The following HIBADH variants were observed in gnomAD, a reference collection of about 807,000 sequenced individuals.
The protein encoded by HIBADH is 3-hydroxyisobutyrate dehydrogenase, mitochondrial.
In HIBADH, 25 loss-of-function variants were observed where a neutral mutation model predicts 36.1. That is an observed-to-expected ratio of 0.69 (90% CI 0.50 to 0.97). HIBADH has a LOEUF of 0.97. HIBADH is among the 50% of genes least tolerant of loss of function. The pLI, the probability that HIBADH is intolerant of heterozygous loss-of-function variation, is 0.00. For missense variants in HIBADH, 421 were observed against 418.0 expected, an observed-to-expected ratio of 1.01 and a Z score of -0.06; for synonymous variants, 160 against 149.5, an observed-to-expected ratio of 1.07 and a Z score of -0.51.
rs571243282 is a variant in HIBADH at position 27,542,877 on chromosome 7, AAAG to A, written c.618+87_618+89del. 1,644 of 1,338,418 alleles carry A rather than the reference AAAG, an allele frequency of 1.2e-3. 2 individuals carry two copies. Among genetic ancestry groups the A allele is most frequent in the Non-Finnish European group, 1.5e-3 (1,454 of 969,428 alleles). The allele number at this position is 1,338,418 out of a possible 1,614,324, so 82.9% of individuals were successfully genotyped here. ...TGAGCAAAGAATCCATAGGTTGAAG[AAAG>A]AAGAATAAAAATATGGTCAGGAAAG... On this transcript the variant is annotated intron_variant, in intron 5 of 7. Transcript: ENST00000265395.
chr7:27,527,773 G>A (rs1471901472), intron 7 of HIBADH, among the ~76,000 whole-genome samples: 18 of 104,686 alleles, frequency 1.7e-4, no homozygotes, highest in African/African-American at 5.6e-4. Context: ...TTTTTGAGAC[G>A]GAGTTTCTCT....
intron 4 of HIBADH, among the ~76,000 whole-genome samples, chr7:27,616,774 T>G (rs563324276): frequency 1.4e-5 from 2 of 146,868 alleles, no homozygotes; most frequent in African/African-American, 5.1e-5. Context: ...CATGTCTTCC[T>G]TTTTTAGAAA....
At chr7:27,653,093 C>T (rs929909688) in intron 1 of HIBADH, among the ~76,000 whole-genome samples, 1 of 152,070 alleles carries the variant, frequency 6.6e-6, no homozygotes, top group South Asian at 2.1e-4. Context: ...CGCACCACTG[C>T]ACTCCAGCCT....
chr7:27,644,162 G>C (rs983232536), intron 2 of HIBADH, among the ~76,000 whole-genome samples: 12 of 152,178 alleles, frequency 7.9e-5, no homozygotes, highest in African/African-American at 2.2e-4. Context: ...ATCAATTTTA[G>C]AATCTTTTCA....
chr7:27,639,564 C>T (rs1040760776), intron 2 of HIBADH, among the ~76,000 whole-genome samples: 6 of 152,106 alleles, frequency 3.9e-5, no homozygotes, highest in African/African-American at 1.4e-4. Context: ...ATATAACAAA[C>T]CTGCACAATT....
At chr7:27,563,897 TTTC>T (rs1784501991) in intron 4 of HIBADH, among the ~76,000 whole-genome samples, 2 of 89,842 alleles carry the variant, frequency 2.2e-5, no homozygotes, top group African/African-American at 1.1e-4. Context: ...GTTTGTTAAT[TTTC>T]TTTTTTTTTT....
chr7:27,547,512 T>C (rs115579924), intron 4 of HIBADH, among the ~76,000 whole-genome samples: 325 of 152,284 alleles, frequency 2.1e-3, no homozygotes, highest in African/African-American at 7.6e-3. Context: ...CCACTAGCTC[T>C]AGTACATAAG....
chr7:27,535,532 T>A (rs918976603), intron 6 of HIBADH, among the ~76,000 whole-genome samples: 16 of 152,188 alleles, frequency 1.1e-4, no homozygotes, highest in Middle Eastern at 3.4e-3. Flanking sequence ...AATTTTTTTT[T>A]AAAATCAATT....
At chr7:27,634,406 A>G (rs1441485536) in intron 2 of HIBADH, among the ~76,000 whole-genome samples, 1 of 152,148 alleles carries the variant, frequency 6.6e-6, no homozygotes, top group Non-Finnish European at 1.5e-5. Flanking sequence ...CACCTTCATA[A>G]ATATTGAGAC....
intron 1 of HIBADH, among the ~76,000 whole-genome samples, chr7:27,654,771 C>A (rs951723606): frequency 2.6e-5 from 4 of 151,964 alleles, no homozygotes; most frequent in African/African-American, 9.7e-5. Context: ...TCGCTACAGC[C>A]TCAACTTCCC....
At chr7:27,541,039 C>T (rs1784142128) in intron 5 of HIBADH, among the ~76,000 whole-genome samples, 1 of 152,046 alleles carries the variant, frequency 6.6e-6, no homozygotes, top group East Asian at 1.9e-4. Flanking sequence ...AACCCAACTG[C>T]ATTTGTACAA....
chr7:27,556,948 T>A lies in HIBADH; in HGVS notation c.485-13848A>T, dbSNP rs148451983. ...AGAGCCTGAGCCCAGGAAACCTGCC[T>A]GTGCAACATGGTGAGACCCTGTCTT... On this transcript the variant is annotated intron_variant, in intron 4 of 7. Coordinates refer to ENST00000265395, the MANE Select transcript of HIBADH (RefSeq NM_152740.4). 4.0e-4 allele frequency among the ~76,000 whole-genome samples: 61 copies of A among 152,310 alleles called. No homozygotes were observed. In the East Asian group the frequency reaches 0.012, roughly 29 times the overall value.
intron 4 of HIBADH, among the ~76,000 whole-genome samples, chr7:27,614,562 G>T (rs1174969691): frequency 6.6e-6 from 1 of 152,202 alleles, no homozygotes; most frequent in East Asian, 1.9e-4. Flanking sequence ...GCCCTCTTCA[G>T]TCTAGTAGAA....
In HIBADH at chr7:27,538,416, G is replaced by T. The variant is rs755307559; in HGVS notation, c.620C>A (p.Ala207Glu). 2 of 1,611,692 alleles carry T rather than the reference G, an allele frequency of 1.2e-6. No individual in the cohort carries two copies. The highest frequency in any genetic ancestry group is 1.7e-6 in the Non-Finnish European group (2 of 1,178,388). ...CAGCATGTTGTTGCAGATCTTTGCC[G>T]CCTGAAAATAAATTGAGTACATATT... ...VYCGAVGTGQ[A>E]AKICNNMLLA... The change falls in exon 6 of 8, where the codon GCG becomes GAG. Residue 207 changes from alanine to glutamate, a missense_variant and splice_region_variant. By Grantham distance (107) the Ala-to-Glu change is moderately radical. Coordinates refer to ENST00000265395, the MANE Select transcript of HIBADH (RefSeq NM_152740.4).
rs1784478294 is a variant in HIBADH at position 27,562,244 on chromosome 7, A to G, written c.485-19144T>C. On this transcript the variant is annotated intron_variant, in intron 4 of 7. Transcript: ENST00000265395. ...ATATACTTTATTTTTATTGTTTTCA[A>G]AATTTCACCATGCATACTTGAAGTT... Among the ~76,000 whole-genome samples, 4 of 152,198 alleles carry G rather than the reference A, an allele frequency of 2.6e-5. 1 individual carries two copies. The highest frequency in any genetic ancestry group is 6.8e-3 in the Middle Eastern group (2 of 294).
At chr7:27,661,076 G>C (rs1007899413) in intron 1 of HIBADH, among the ~76,000 whole-genome samples, 6 of 152,178 alleles carry the variant, frequency 3.9e-5, no homozygotes, top group East Asian at 1.9e-4. Flanking sequence ...TATTCTTTTA[G>C]GGTTATCTCA....
intron 2 of HIBADH, among the ~76,000 whole-genome samples, chr7:27,640,932 A>C (rs1785949551): frequency 6.6e-6 from 1 of 152,186 alleles, no homozygotes; most frequent in Non-Finnish European, 1.5e-5. Flanking sequence ...CATGACCAAA[A>C]CATCCTTATG....
At chr7:27,624,984 G>C (rs1422425721) in intron 4 of HIBADH, among the ~76,000 whole-genome samples, 1 of 152,042 alleles carries the variant, frequency 6.6e-6, no homozygotes, top group Non-Finnish European at 1.5e-5. Context: ...TTTTAACTTG[G>C]AAATAATCCA....
At chr7:27,574,754 T>C (rs1784684189) in intron 4 of HIBADH, among the ~76,000 whole-genome samples, 2 of 152,344 alleles carry the variant, frequency 1.3e-5, no homozygotes, top group African/African-American at 4.8e-5. Context: ...CCACATCTCT[T>C]ATTTTTACCA....
Sources: allele counts gnomAD v4.1 joint callset (sites outside exome capture counted in the v4.1 genomes callset), GRCh38; gene constraint gnomAD v4.1.1; transcripts MANE v1.5; gene names NCBI Gene and HGNC (gene_info 2026-07-23, HGNC 2026-07-21).